Variants in ATRN observed in about 807,000 individuals in gnomAD.
ATRN encodes the protein attractin.
ATRN carries 54 observed loss-of-function variants against 178.7 expected under a neutral mutation model. The observed-to-expected ratio is 0.30, with a 90% CI of 0.24 to 0.38. ATRN has a LOEUF of 0.38. Among genes scored for constraint, ATRN ranks in the 10% least tolerant of loss-of-function variants. ATRN has a pLI of 1.00. For missense variants in ATRN, 1,443 were observed against 1,815.1 expected, an observed-to-expected ratio of 0.79 and a Z score of 3.73; for synonymous variants, 636 against 663.0, an observed-to-expected ratio of 0.96 and a Z score of 0.63.
Position 3,644,275 on chromosome 20 carries a change from AG to A in ATRN, c.4165+8del. 6.3e-7 allele frequency: 1 copy of A among 1,599,556 alleles called. No homozygotes were observed. Among genetic ancestry groups the A allele is most frequent in the Non-Finnish European group, 8.6e-7 (1 of 1,166,644 alleles). On this transcript the variant is annotated splice_region_variant and intron_variant, in intron 28 of 28. Coordinates refer to ENST00000262919, the MANE Select transcript of ATRN (RefSeq NM_139321.3). The stretch of plus-strand genomic sequence containing the variant: ...CCTCCTCCTGGGCAGTCAGGTGAGT[AG>A]ATGCGGTCCAGCGAAAGACACCTTC...
chr20:3,490,165 A>G (rs1568683975), intron 1 of ATRN: 3 of 1,502,616 alleles, frequency 2.0e-6, no homozygotes, highest in Non-Finnish European at 2.8e-6. Context: ...TTGGTACTGA[A>G]TAGTCTCTGG....
rs2086600488 is a variant in ATRN, at chr20:3,600,998, A to G, written c.3617A>G (p.Asn1206Ser). Reference sequence around the variant, plus strand: ...AATGCCTCCAAGAATTTCAACCTCAACATCACCTGGGCTGCCAGTTTCTCA... The same window carrying G: ...AATGCCTCCAAGAATTTCAACCTCAGCATCACCTGGGCTGCCAGTTTCTCA... Reference protein sequence around the residue: ...FINASKNFNLNITWAASFSAG... With the variant: ...FINASKNFNLSITWAASFSAG... Residue 1206 changes from asparagine (N) to serine (S), a missense_variant, in exon 23 of 29, where the codon AAC becomes AGC. Physicochemically the swap from Asn to Ser is conservative, Grantham distance 46. This residue lies in a region of ATRN where 289 missense variants were observed against 440.8 expected (regional missense o/e 0.66). Transcript: ENST00000262919. The G allele has an allele frequency of 1.2e-6, 2 of 1,613,774 alleles. No individual in the cohort carries two copies. The highest frequency in any genetic ancestry group is 2.2e-5 in the East Asian group (1 of 44,892).
chr20:3,587,743 G>A (rs993808166), intron 18 of ATRN, among the ~76,000 whole-genome samples: 15 of 152,146 alleles, frequency 9.9e-5, no homozygotes, highest in African/African-American at 1.2e-4. Flanking sequence ...TTTAGGATGA[G>A]CTTGCCATTT....
chr20:3,519,527 A>G (rs1002703735), intron 1 of ATRN, among the ~76,000 whole-genome samples: 1 of 152,214 alleles, frequency 6.6e-6, no homozygotes, highest in African/African-American at 2.4e-5. Context: ...TCATGAAAGC[A>G]AAGAAACTTG....
chr20:3,520,422 G>T (rs2085276524), intron 1 of ATRN, among the ~76,000 whole-genome samples: 1 of 152,152 alleles, frequency 6.6e-6, no homozygotes, highest in Non-Finnish European at 1.5e-5. Flanking sequence ...GGAAAGGGAA[G>T]ATAACCATTG....
intron 1 of ATRN, among the ~76,000 whole-genome samples, chr20:3,523,646 A>T (rs1033777379): frequency 1.3e-5 from 2 of 152,228 alleles, no homozygotes; most frequent in East Asian, 3.8e-4. Flanking sequence ...TGAAGGAAAA[A>T]GTGTTAAGGG....
In ATRN at chr20:3,587,899, G is replaced by A. The variant is rs1050387581; in HGVS notation, c.3184+3019G>A. 2.0e-4 allele frequency among the ~76,000 whole-genome samples: 30 copies of A among 152,246 alleles called. 1 individual carries two copies. The highest frequency in any genetic ancestry group is 3.9e-4 in the East Asian group (2 of 5,182). On this transcript the variant is annotated intron_variant, in intron 18 of 28. Coordinates refer to ENST00000262919, the MANE Select transcript of ATRN (RefSeq NM_139321.3). ...CTCACTCTGTCACCCAGGCTGGAGC[G>A]CAGTGGTGCTATCTTGGCTCACTGC...
intron 1 of ATRN, among the ~76,000 whole-genome samples, chr20:3,479,936 G>C (rs1366271053): frequency 6.6e-6 from 1 of 152,168 alleles, no homozygotes; most frequent in Non-Finnish European, 1.5e-5. Context: ...TAACTTTGTT[G>C]CATCTGCCAA....
At chr20:3,533,411 A>AT (rs1449317278) in intron 1 of ATRN, among the ~76,000 whole-genome samples, 2 of 152,152 alleles carry the variant, frequency 1.3e-5, no homozygotes, top group Non-Finnish European at 2.9e-5. Flanking sequence ...TAACGGCTGC[A>AT]TTTTTCAGCC....
rs200421441 is a variant in ATRN, at chr20:3,594,550, G to A, written c.3394G>A (p.Val1132Ile). The change falls in exon 20 of 29, where the codon GTC becomes ATC. Residue 1132 changes from valine (V) to isoleucine (I), a missense_variant. Val to Ile is a conservative substitution (Grantham distance 29, BLOSUM62 3). Transcript: ENST00000262919. ...CAAGTGCTTCTGCACCACCAAGGGCGTCAAGGGGGACGAGTGCCAGCTGTG... is the reference window on the plus strand; with the variant it reads ...CAAGTGCTTCTGCACCACCAAGGGCATCAAGGGGGACGAGTGCCAGCTGTG... ...TGKCFCTTKGVKGDECQLCEV... is the reference protein window; with the variant it reads ...TGKCFCTTKGIKGDECQLCEV... The A allele has an allele frequency of 9.4e-5, 151 of 1,612,248 alleles. No individual in the cohort carries two copies. Among genetic ancestry groups the A allele is most frequent in the Non-Finnish European group, 1.2e-4 (137 of 1,178,778 alleles).
chr20:3,547,613 T>A, intron 5 of ATRN, 124 bp downstream of exon 5: 2 of 855,854 alleles, frequency 2.3e-6, no homozygotes, highest in African/African-American at 1.7e-5. Flanking sequence ...AGGTAGCATT[T>A]AAGCTTGAAA....
intron 25 of ATRN, 55 bp from the exon 26 acceptor site, chr20:3,634,256 G>A (rs1317266239): frequency 1.9e-6 from 3 of 1,561,110 alleles, no homozygotes; most frequent in South Asian, 2.3e-5. Context: ...GTGGGCAACG[G>A]TGGGAGCTGA....
In ATRN at chr20:3,525,268, C is replaced by T. The variant is rs237411; in HGVS notation, c.411-9985C>T. 5.8e-3 allele frequency among the ~76,000 whole-genome samples: 882 copies of T among 152,268 alleles called. 13 individuals are homozygous for T. The highest frequency in any genetic ancestry group is 0.02 in the African/African-American group (828 of 41,560). ...AACTGCCATCAGAGAATACTATAAA[C>T]AACTCTACGCAAATAAACTAGAAAA... On this transcript the variant is annotated intron_variant, in intron 1 of 28. Coordinates refer to ENST00000262919, the MANE Select transcript of ATRN (RefSeq NM_139321.3).
At chr20:3,547,607 A>G in intron 5 of ATRN, 118 bp downstream of exon 5, 2 of 880,368 alleles carry the variant, frequency 2.3e-6, no homozygotes, top group Non-Finnish European at 3.4e-6. Context: ...AATACGAGGT[A>G]GCATTTAAGC....
chr20:3,545,295 G>A (rs989087326), intron 3 of ATRN, among the ~76,000 whole-genome samples: 4 of 150,976 alleles, frequency 2.6e-5, no homozygotes, highest in Non-Finnish European at 5.9e-5. Context: ...TTGAACCCCG[G>A]GACGCAGAGA....
In ATRN at chr20:3,582,169, G is replaced by A; in HGVS notation, c.2579G>A (p.Arg860Gln). 5 of 1,614,112 alleles carry A rather than the reference G, an allele frequency of 3.1e-6. No homozygotes were observed. Among genetic ancestry groups the A allele is most frequent in the African/African-American group, 1.3e-5 (1 of 75,036 alleles). ...KLTLTPWVGLRKINVSYWCWE... is the reference protein window; with the variant it reads ...KLTLTPWVGLQKINVSYWCWE... ...ACCTTAACCCCATGGGTCGGCCTTC[G>A]GAAGATCAATGTGTCCTACTGGTGC... The change falls in exon 16 of 29, where the codon CGG becomes CAG. Residue 860 changes from arginine to glutamine, a missense_variant. Physicochemically the swap from Arg to Gln is conservative, Grantham distance 43. Coordinates refer to ENST00000262919, the MANE Select transcript of ATRN (RefSeq NM_139321.3).
At chr20:3,573,922 G>A (rs2422901) in intron 12 of ATRN, among the ~76,000 whole-genome samples, 1,716 of 152,082 alleles carry the variant, frequency 0.011, 15 homozygotes, top group Non-Finnish European at 0.017. Flanking sequence ...ATTTTTAGTA[G>A]AGATGGGGTT....
intron 25 of ATRN, among the ~76,000 whole-genome samples, chr20:3,631,594 A>G (rs1182297826): frequency 3.3e-5 from 5 of 152,118 alleles, no homozygotes; most frequent in Admixed American, 2.0e-4. Flanking sequence ...CAGCAAGTAG[A>G]AGGGACTGGG....
intron 1 of ATRN, among the ~76,000 whole-genome samples, chr20:3,524,994 G>T (rs1026323962): frequency 2.6e-5 from 4 of 152,110 alleles, no homozygotes; most frequent in African/African-American, 7.2e-5. Flanking sequence ...ACAGTTAAAA[G>T]AACTAGAGAA....
Sources: allele counts gnomAD v4.1 joint callset (sites outside exome capture counted in the v4.1 genomes callset), GRCh38; gene constraint gnomAD v4.1.1; regional missense constraint gnomAD v4.1.1; transcripts MANE v1.5; gene names NCBI Gene and HGNC (gene_info 2026-07-23, HGNC 2026-07-21).